The following MYOM2 variants were observed in gnomAD, a reference collection of about 807,000 sequenced individuals.
The protein encoded by MYOM2 is myomesin 2, also known as myomesin-2.
Under a neutral mutation model 187.6 loss-of-function variants are expected in MYOM2, and 254 were observed. The observed-to-expected ratio is 1.35, with a 90% CI of 1.22 to 1.50. The LOEUF (loss-of-function observed/expected upper bound fraction) is 1.50, where lower values mean the gene tolerates loss of function less well. MYOM2 is among the 40% of genes most tolerant of loss of function. MYOM2 has a pLI of 0.00. For missense variants in MYOM2, 2,796 were observed against 1,924.0 expected (o/e 1.45, Z -8.48); for synonymous variants, 981 against 753.8 (o/e 1.30, Z -4.94).
At chr8:2,085,035 C>A in intron 13 of MYOM2, 4 of 510,346 alleles carry the variant, frequency 7.8e-6, no homozygotes, top group East Asian at 3.3e-5. Context: ...AGATTCCTTT[C>A]CTATGAACAG....
At position 2,129,249 on chromosome 8, in the gene MYOM2, C is replaced by T; in HGVS notation, c.3800+17C>T. ...GTGTCACAAGTAAGTATGACAGCAG[C>T]CGATGGAGGCCATGCCATAGATGGG... On this transcript the variant is annotated intron_variant, in intron 32 of 36. Coordinates refer to ENST00000262113, the MANE Select transcript of MYOM2 (RefSeq NM_003970.4). 2 of 1,551,450 alleles carry T rather than the reference C, an allele frequency of 1.3e-6. No homozygotes were observed. The highest frequency in any genetic ancestry group is 1.8e-6 in the Non-Finnish European group (2 of 1,124,120).
chr8:2,049,589 G>T (rs1164476168), intron 1 of MYOM2, among the ~76,000 whole-genome samples: 1 of 152,154 alleles, frequency 6.6e-6, no homozygotes, highest in African/African-American at 2.4e-5. Context: ...TGGCACCCCT[G>T]GGGCTGTGCC....
rs553300632 is a variant in MYOM2, at chr8:2,078,797, C to G, written c.1326C>G (p.Tyr442Ter). The G allele has an allele frequency of 1.9e-6, 3 of 1,614,142 alleles. No individual in the cohort carries two copies. In the South Asian group the frequency reaches 3.3e-5, roughly 18 times the overall value. ...CNDAPVKICK[Y>*]PVTGLFEGRS... Reference sequence around the variant, plus strand: ...ATGCACCGGTGAAAATCTGCAAATACCCGGTCACAGGGCTTTTTGAAGGAA... The same window carrying G: ...ATGCACCGGTGAAAATCTGCAAATAGCCGGTCACAGGGCTTTTTGAAGGAA... The change falls in exon 12 of 37, where the codon TAC becomes TAG. Residue 442 changes from tyrosine to a stop codon, truncating the protein, a stop_gained. Coordinates refer to ENST00000262113, the MANE Select transcript of MYOM2 (RefSeq NM_003970.4). LOFTEE classifies it high-confidence loss of function.
At chr8:2,143,520 T>C in intron 36 of MYOM2, 64 bp downstream of exon 36, 1 of 1,596,676 alleles carries the variant, frequency 6.3e-7, no homozygotes, top group Non-Finnish European at 8.6e-7. Context: ...CAACCCCTTC[T>C]CTTGGGGCGG....
chr8:2,141,126 A>G lies in MYOM2; in HGVS notation c.3965-15A>G, dbSNP rs777651284. 6 of 1,610,940 alleles carry G rather than the reference A, an allele frequency of 3.7e-6. No homozygotes were observed. The highest frequency in any genetic ancestry group is 1.3e-5 in the African/African-American group (1 of 75,024). Reference sequence around the variant, plus strand: ...CACTGAAATGGTTAGTAACGTATGAACTATTTCCTCACAGCTTTTGATGAA... The same window carrying G: ...CACTGAAATGGTTAGTAACGTATGAGCTATTTCCTCACAGCTTTTGATGAA... On this transcript the variant is annotated splice_polypyrimidine_tract_variant and intron_variant, in intron 33 of 36. Transcript: ENST00000262113.
At chr8:2,123,062 C>T (rs1797511609) in intron 28 of MYOM2, among the ~76,000 whole-genome samples, 190 bp from the exon 29 acceptor site, 1 of 152,118 alleles carries the variant, frequency 6.6e-6, no homozygotes, top group South Asian at 2.1e-4. Context: ...TTCTTAGAAG[C>T]TGGAATTTAG....
At chr8:2,059,022 T>C (rs1001920019) in intron 5 of MYOM2, 131 bp from the exon 6 acceptor site, 3 of 707,542 alleles carry the variant, frequency 4.2e-6, no homozygotes, top group East Asian at 2.7e-5. Flanking sequence ...CAGGGCTCTG[T>C]CCTCCTCCCG....
chr8:2,071,491 A>C (rs746906842), intron 8 of MYOM2, among the ~76,000 whole-genome samples: 11 of 152,076 alleles, frequency 7.2e-5, no homozygotes, highest in Non-Finnish European at 1.2e-4. Flanking sequence ...AACTCTACGG[A>C]TGCAAATACC....
At chr8:2,057,863 A>C in intron 5 of MYOM2, 83 bp downstream of exon 5, 1 of 1,480,438 alleles carries the variant, frequency 6.8e-7, no homozygotes, top group East Asian at 2.3e-5. Context: ...GACAAACGCC[A>C]TTGAACCTGT....
chr8:2,143,598 C>G (rs35140981), intron 36 of MYOM2, 142 bp downstream of exon 36: 180 of 950,418 alleles, frequency 1.9e-4, no homozygotes, highest in Middle Eastern at 5.5e-4. Flanking sequence ...GAGTCCCCCC[C>G]ACTTTTCTGC....
chr8:2,070,373 G>A (rs1333805900), intron 8 of MYOM2, among the ~76,000 whole-genome samples: 1 of 152,196 alleles, frequency 6.6e-6, no homozygotes, highest in Non-Finnish European at 1.5e-5. Context: ...GGCCGCTGTG[G>A]GCGTGGCCTC....
chr8:2,115,493 C>T (rs1405966771), intron 25 of MYOM2, among the ~76,000 whole-genome samples: 2 of 152,222 alleles, frequency 1.3e-5, no homozygotes, highest in Non-Finnish European at 2.9e-5. Context: ...AACCCCTGCA[C>T]CCTGATGGAC....
intron 33 of MYOM2, 41 bp from the exon 34 acceptor site, chr8:2,141,100 A>G: frequency 6.3e-7 from 1 of 1,580,366 alleles, no homozygotes; most frequent in Non-Finnish European, 8.7e-7. Context: ...TAAAATCTGA[A>G]CACTGAAATG....
intron 32 of MYOM2, among the ~76,000 whole-genome samples, chr8:2,139,050 C>CG: frequency 2.1e-5 from 3 of 139,538 alleles, no homozygotes; most frequent in African/African-American, 8.4e-5. Flanking sequence ...CACCAGAGAC[C>CG]CGACACACAC....
At chr8:2,092,721 G>A (rs567619649) in intron 16 of MYOM2, among the ~76,000 whole-genome samples, 50 of 151,902 alleles carry the variant, frequency 3.3e-4, no homozygotes, top group Admixed American at 3.1e-3. Flanking sequence ...CATGTCGACC[G>A]AAACGATTTA....
rs561012065 is a variant in MYOM2 at position 2,045,537 on chromosome 8, C to T, written c.-13+369C>T. Among the ~76,000 whole-genome samples the T allele has an allele frequency of 3.0e-4, 45 of 152,304 alleles. No homozygotes were observed. The South Asian group carries it at 8.7e-3, about 29-fold the overall frequency. On this transcript the variant is annotated intron_variant, in intron 1 of 36. Coordinates refer to ENST00000262113, the MANE Select transcript of MYOM2 (RefSeq NM_003970.4). ...GAGATTCTCAGAAACGAAAGCCTCCCCCGAGGAGAGGGCTGACTTATAAAG... is the reference window on the plus strand; with the variant it reads ...GAGATTCTCAGAAACGAAAGCCTCCTCCGAGGAGAGGGCTGACTTATAAAG...
intron 35 of MYOM2, among the ~76,000 whole-genome samples, chr8:2,142,609 C>T (rs961372182): frequency 3.9e-5 from 6 of 151,980 alleles, no homozygotes; most frequent in African/African-American, 1.5e-4. Flanking sequence ...CCCGTCACCC[C>T]TTGGACACCC....
chr8:2,122,933 A>G (rs1797506281), intron 28 of MYOM2, among the ~76,000 whole-genome samples: 1 of 151,696 alleles, frequency 6.6e-6, no homozygotes, highest in African/African-American at 2.4e-5. Context: ...ATTGCTTAAG[A>G]CTTGTCTTTG....
chr8:2,104,560 G>C (rs1014848885), intron 21 of MYOM2, among the ~76,000 whole-genome samples: 1 of 151,658 alleles, frequency 6.6e-6, no homozygotes, highest in African/African-American at 2.4e-5. Flanking sequence ...AGCCGAGATC[G>C]CGCCACTGCA....
Sources: allele counts gnomAD v4.1 joint callset (sites outside exome capture counted in the v4.1 genomes callset), GRCh38; gene constraint gnomAD v4.1.1; transcripts MANE v1.5; gene names NCBI Gene and HGNC (gene_info 2026-07-23, HGNC 2026-07-21).